CCSER1: variants seen among roughly 807,000 people sequenced by gnomAD.
CCSER1 encodes the protein serine-rich coiled-coil domain-containing protein 1.
A neutral mutation model predicts 82.0 loss-of-function variants in CCSER1; 41 were observed. The observed-to-expected ratio is 0.50, with a 90% CI of 0.39 to 0.65. The LOEUF is 0.65. Among genes scored for constraint, CCSER1 ranks in the 30% least tolerant of loss-of-function variants. The pLI is 0.00. For synonymous variants in CCSER1, 414 were observed against 383.9 expected, an observed-to-expected ratio of 1.08 and a Z score of -0.92; for missense variants, 1,119 against 1,064.2, an observed-to-expected ratio of 1.05 and a Z score of -0.72.
At chr4:90,139,326 G>T (rs986301263) in intron 1 of CCSER1, among the ~76,000 whole-genome samples, 1 of 152,134 alleles carries the variant, frequency 6.6e-6, no homozygotes, top group African/African-American at 2.4e-5. Context: ...GAACAGTTTA[G>T]GTTCCATGGT....
At chr4:91,159,048 T>A (rs1274526261) in intron 10 of CCSER1, among the ~76,000 whole-genome samples, 2 of 151,926 alleles carry the variant, frequency 1.3e-5, no homozygotes, top group Non-Finnish European at 2.9e-5. Flanking sequence ...TCTCCCCTCC[T>A]TAAGATTTCC....
At chr4:91,167,253 C>A (rs1482063040) in intron 10 of CCSER1, among the ~76,000 whole-genome samples, 1 of 139,202 alleles carries the variant, frequency 7.2e-6, no homozygotes, top group Non-Finnish European at 1.5e-5. Context: ...TTGGCGCGAT[C>A]TCGGCTCACT....
intron 3 of CCSER1, among the ~76,000 whole-genome samples, chr4:90,366,663 C>T (rs911450001): frequency 6.6e-6 from 1 of 151,746 alleles, no homozygotes; most frequent in African/African-American, 2.4e-5. Context: ...GCCTCTGTAA[C>T]CCATTGTGTA....
chr4:91,381,883 T>A lies in CCSER1; in HGVS notation c.2218-216689T>A, dbSNP rs1366199487. Among the ~76,000 whole-genome samples, 5 of 152,312 alleles carry A rather than the reference T, an allele frequency of 3.3e-5. No individual in the cohort carries two copies. The East Asian group carries it at 7.7e-4, about 24-fold the overall frequency. The stretch of plus-strand genomic sequence containing the variant: ...CCCCATCTTCATGGTTTTATCTACC[T>A]TTGGTCTTTGATGATGGTGATGTAC... On this transcript the variant is annotated intron_variant, in intron 10 of 10. Coordinates refer to ENST00000509176, the MANE Select transcript of CCSER1 (RefSeq NM_001145065.2).
Position 90,367,351 on chromosome 4 carries a change from G to A in CCSER1, c.1510-32685G>A, listed in dbSNP as rs558912606. Among the ~76,000 whole-genome samples, 3 of 151,878 alleles carry A rather than the reference G, an allele frequency of 2.0e-5. No individual in the cohort carries two copies. In the South Asian group the frequency reaches 6.3e-4, roughly 32 times the overall value. On this transcript the variant is annotated intron_variant, in intron 3 of 10. Transcript: ENST00000509176. ...TTATGATCTTGTACAATAACTTAAAGTTTCTGTGTTTAGTGTCCTCATATA... is the reference window on the plus strand; with the variant it reads ...TTATGATCTTGTACAATAACTTAAAATTTCTGTGTTTAGTGTCCTCATATA...
At chr4:90,919,882 T>C (rs1728122206) in intron 8 of CCSER1, among the ~76,000 whole-genome samples, 1 of 152,006 alleles carries the variant, frequency 6.6e-6, no homozygotes, top group Non-Finnish European at 1.5e-5. Context: ...CTTTTTTGCT[T>C]TTTCTAAGCA....
chr4:90,142,596 G>A (rs12650984), intron 1 of CCSER1, among the ~76,000 whole-genome samples: 51,772 of 151,504 alleles, frequency 0.34, 11,067 homozygotes, highest in East Asian at 0.65. Flanking sequence ...GCACAATACA[G>A]CAGAGGGATA....
At chr4:91,082,020 A>C (rs1281828733) in intron 9 of CCSER1, among the ~76,000 whole-genome samples, 1 of 152,206 alleles carries the variant, frequency 6.6e-6, no homozygotes, top group Non-Finnish European at 1.5e-5. Context: ...TGCCATCCCC[A>C]TCAAGCTACC....
chr4:91,599,215 G>T lies in CCSER1; in HGVS notation c.*158G>T, dbSNP rs62311870. ...TTCTTAGTCATAAACAAAGACTTGTGGGTTTTTTTTTTCCAAGAGTGAAAG... is the reference window on the plus strand; with the variant it reads ...TTCTTAGTCATAAACAAAGACTTGTTGGTTTTTTTTTTCCAAGAGTGAAAG... On this transcript the variant is annotated 3_prime_UTR_variant, in exon 11 of 11. Transcript: ENST00000509176. 2.1e-6 allele frequency: 2 copies of T among 940,724 alleles called. No individual in the cohort carries two copies. The highest frequency in any genetic ancestry group is 3.0e-6 in the Non-Finnish European group (2 of 668,470). The allele number at this position is 940,724 out of a possible 1,614,324, so 58.3% of individuals were successfully genotyped here. A position where few individuals can be genotyped will look rare whatever the true frequency, so the allele number is the denominator to read the frequency against.
intron 9 of CCSER1, among the ~76,000 whole-genome samples, chr4:90,943,853 G>A (rs935030171): frequency 6.7e-6 from 1 of 149,330 alleles, no homozygotes; most frequent in Non-Finnish European, 1.5e-5. Context: ...TGGGATTACA[G>A]GCATGAGCCA....
chr4:91,525,811 C>T (rs959521336), intron 10 of CCSER1, among the ~76,000 whole-genome samples: 2 of 152,132 alleles, frequency 1.3e-5, no homozygotes, highest in East Asian at 3.9e-4. Flanking sequence ...TAAACCAACA[C>T]TAAATTCTAA....
chr4:90,715,050 A>G (rs533264164), intron 6 of CCSER1, among the ~76,000 whole-genome samples: 7 of 152,070 alleles, frequency 4.6e-5, no homozygotes, highest in African/African-American at 1.7e-4. Flanking sequence ...ATCTTTTGAG[A>G]GGATCCAGTT....
chr4:90,480,905 T>C (rs1312321903), intron 5 of CCSER1, among the ~76,000 whole-genome samples: 1 of 152,190 alleles, frequency 6.6e-6, no homozygotes, highest in Non-Finnish European at 1.5e-5. Flanking sequence ...TTTTTTCCAA[T>C]TCTGTGAAGA....
chr4:90,702,966 A>G (rs1004129000), intron 6 of CCSER1, among the ~76,000 whole-genome samples: 1 of 152,182 alleles, frequency 6.6e-6, no homozygotes, highest in Non-Finnish European at 1.5e-5. Flanking sequence ...TTATGCCTCT[A>G]TCGCCTTCAG....
intron 10 of CCSER1, among the ~76,000 whole-genome samples, chr4:91,110,077 C>A (rs1285836933): frequency 6.6e-6 from 1 of 152,036 alleles, no homozygotes; most frequent in Non-Finnish European, 1.5e-5. Flanking sequence ...GCAATTTTAA[C>A]TCATCTACCT....
At chr4:90,165,977 A>G (rs1004835370) in intron 1 of CCSER1, among the ~76,000 whole-genome samples, 11 of 152,132 alleles carry the variant, frequency 7.2e-5, no homozygotes, top group African/African-American at 2.6e-4. Context: ...AAGTTAATGT[A>G]TGAGTTCACA....
At chr4:90,264,251 T>C (rs941294617) in intron 1 of CCSER1, among the ~76,000 whole-genome samples, 1 of 152,220 alleles carries the variant, frequency 6.6e-6, no homozygotes, top group Non-Finnish European at 1.5e-5. Flanking sequence ...TGAGCAGTTT[T>C]CTACCCTCAC....
At chr4:91,456,936 A>G (rs1208923143) in intron 10 of CCSER1, among the ~76,000 whole-genome samples, 1 of 152,116 alleles carries the variant, frequency 6.6e-6, no homozygotes, top group Non-Finnish European at 1.5e-5. Flanking sequence ...GGCCTGAGTA[A>G]TTCTTTCGTG....
intron 5 of CCSER1, among the ~76,000 whole-genome samples, chr4:90,551,706 C>CTCTCTCTCTATATATATATATATATA: frequency 2.9e-5 from 3 of 104,236 alleles, no homozygotes; most frequent in African/African-American, 9.1e-5. Context: ...CTCTCTCTCT[C>CTCTCTCTCTATATATATATATATATA]TATATATATA....
Sources: gnomAD v4.1 joint callset for allele counts (sites outside exome capture counted in the v4.1 genomes callset) on GRCh38, gnomAD v4.1.1 for gene constraint, MANE v1.5 for transcripts, NCBI Gene and HGNC (gene_info 2026-07-23, HGNC 2026-07-21) for gene names.